Variants in ARHGEF2 observed in about 807,000 individuals in gnomAD.
ARHGEF2 encodes the protein rho guanine nucleotide exchange factor 2.
In ARHGEF2, 22 loss-of-function variants were observed where a neutral mutation model predicts 121.0. The observed-to-expected ratio is 0.18, with a 90% CI of 0.13 to 0.26. ARHGEF2 has a LOEUF of 0.26. ARHGEF2 is among the 10% of genes least tolerant of loss of function. The pLI is 1.00. For missense variants in ARHGEF2, 907 were observed against 1,336.0 expected, an observed-to-expected ratio of 0.68 and a Z score of 5.01; for synonymous variants, 487 against 530.0, an observed-to-expected ratio of 0.92 and a Z score of 1.11.
At chr1:155,968,031 T>C (rs564215197) in intron 2 of ARHGEF2, among the ~76,000 whole-genome samples, 9 of 149,078 alleles carry the variant, frequency 6.0e-5, no homozygotes, top group African/African-American at 2.2e-4. Flanking sequence ...GCTTTCCACC[T>C]GCTCTCAAAA....
At chr1:155,952,956 T>C in intron 14 of ARHGEF2, 128 bp from the exon 15 acceptor site, 1 of 873,108 alleles carries the variant, frequency 1.1e-6, no homozygotes, top group Non-Finnish European at 1.8e-6. Flanking sequence ...TATTTTGGCA[T>C]TTATAAAAAA....
chr1:155,958,485 C>T (rs1677143925), intron 11 of ARHGEF2, 89 bp from the exon 12 acceptor site: 3 of 1,017,200 alleles, frequency 2.9e-6, no homozygotes, highest in Non-Finnish European at 4.4e-6. Flanking sequence ...CTTATCCCAT[C>T]AGGTTAGAGC....
intron 4 of ARHGEF2, 107 bp downstream of exon 4, chr1:155,966,309 G>A: frequency 9.2e-7 from 1 of 1,086,602 alleles, no homozygotes. Context: ...TCAAGAAGAG[G>A]AAGGTGCTAT....
Position 155,978,327 on chromosome 1 carries a change from G to C in ARHGEF2, c.63+38C>G, listed in dbSNP as rs1681700902. On this transcript the variant is annotated intron_variant, in intron 1 of 21. Coordinates refer to ENST00000361247, the MANE Select transcript of ARHGEF2 (RefSeq NM_001162383.2). The surrounding 1 kb of genome is among the most constrained non-coding windows in gnomAD (Gnocchi z 4.1). Reference sequence around the variant, plus strand: ...GGGTGCCGGGGTTCGGGGAGCACCCGAGGACCGCGGCGAAAGGAGAGGGGT... The same window carrying C: ...GGGTGCCGGGGTTCGGGGAGCACCCCAGGACCGCGGCGAAAGGAGAGGGGT... 1 of 1,477,742 alleles carries C rather than the reference G, an allele frequency of 6.8e-7. No individual in the cohort carries two copies. The highest frequency in any genetic ancestry group is 9.1e-7 in the Non-Finnish European group (1 of 1,098,028). The allele number at this position is 1,477,742 out of a possible 1,614,324, so 91.5% of individuals were successfully genotyped here. A position where few individuals can be genotyped will look rare whatever the true frequency, so the allele number is the denominator to read the frequency against.
intron 14 of ARHGEF2, among the ~76,000 whole-genome samples, chr1:155,953,776 A>G (rs1167294822): frequency 1.3e-5 from 2 of 151,610 alleles, no homozygotes; most frequent in Admixed American, 1.3e-4. Flanking sequence ...AGAAAGAAAG[A>G]AAAAGAAAAA....
intron 13 of ARHGEF2, 104 bp downstream of exon 13, chr1:155,957,609 C>T: frequency 1.5e-6 from 2 of 1,351,858 alleles, no homozygotes; most frequent in South Asian, 1.4e-5. Context: ...TCTTCCCCCA[C>T]CTCTGAATGC....
Position 155,971,914 on chromosome 1 carries a change from T to C in ARHGEF2, c.64-2614A>G, listed in dbSNP as rs563725072. ...AAAAAAATATATACATATATATATA[T>C]ACACACATAAGTAAAAGCAAGCAAG... is the stretch of plus-strand genomic sequence containing the variant. On this transcript the variant is annotated intron_variant, in intron 1 of 21. Transcript: ENST00000361247. Among the ~76,000 whole-genome samples, 55 of 151,174 alleles carry C rather than the reference T, an allele frequency of 3.6e-4. No homozygotes were observed. In the East Asian group the frequency reaches 4.5e-3, roughly 12 times the overall value.
At chr1:155,975,310 C>T (rs1681121689) in intron 1 of ARHGEF2, among the ~76,000 whole-genome samples, 1 of 152,168 alleles carries the variant, frequency 6.6e-6, no homozygotes, top group African/African-American at 2.4e-5. Context: ...CATCTGTCCC[C>T]TCCTTGATTC....
intron 11 of ARHGEF2, among the ~76,000 whole-genome samples, chr1:155,960,925 T>C (rs1043334298): frequency 2.0e-5 from 3 of 152,226 alleles, no homozygotes; most frequent in African/African-American, 7.2e-5. Context: ...TCTGCCCTGC[T>C]GTCTCTTCTC....
chr1:155,977,963 C>G (rs1011373502), intron 1 of ARHGEF2: 1 of 506,166 alleles, frequency 2.0e-6, no homozygotes, highest in Non-Finnish European at 2.6e-6. Context: ...GGGGTCGCCA[C>G]GCCAAGCCCA....
At position 155,947,268 on chromosome 1, in the gene ARHGEF2, CA is replaced by C. The variant is rs1366299244; in HGVS notation, c.*673del. On this transcript the variant is annotated 3_prime_UTR_variant, in exon 22 of 22. Transcript: ENST00000361247. ...TACAAAAAAGAAAACAAAAGAACAA[CA>C]AAACATTCTGGTCCCTGTGGGTTTT... The C allele has an allele frequency of 2.4e-6, 1 of 422,894 alleles. No homozygotes were observed. The highest frequency in any genetic ancestry group is 4.7e-6 in the Non-Finnish European group (1 of 211,076). The allele number at this position is 422,894 out of a possible 1,614,324, so 26.2% of individuals were successfully genotyped here. A position where few individuals can be genotyped will look rare whatever the true frequency, so the allele number is the denominator to read the frequency against.
chr1:155,962,323 G>A lies in ARHGEF2; in HGVS notation c.1102-101C>T, dbSNP rs555523199. On this transcript the variant is annotated intron_variant, in intron 9 of 21. Transcript: ENST00000361247. This position sits in a 1 kb window ranked among gnomAD's most constrained non-coding sequence, Gnocchi z 5.8. ...GCCCTGGCGTGGCCATTTACCTCAT[G>A]CTTGCCTAGGTGACATATCTGGAAA... The A allele has an allele frequency of 1.3e-5, 16 of 1,237,180 alleles. No individual in the cohort carries two copies. In the East Asian group the frequency reaches 3.5e-4, roughly 27 times the overall value. 76.6% of individuals were successfully genotyped at this position (1,237,180 alleles called of 1,614,324 possible).
intron 12 of ARHGEF2, 94 bp from the exon 13 acceptor site, chr1:155,957,976 T>G (rs1272370396): frequency 3.8e-6 from 5 of 1,307,544 alleles, no homozygotes; most frequent in African/African-American, 3.0e-5. Context: ...CTGAAAGGAC[T>G]GAAGAGTCAT....
In ARHGEF2 at chr1:155,947,539, A is replaced by G. The variant is rs1229683169; in HGVS notation, c.*403T>C. On this transcript the variant is annotated 3_prime_UTR_variant, in exon 22 of 22. Coordinates refer to ENST00000361247, the MANE Select transcript of ARHGEF2 (RefSeq NM_001162383.2). ...TGTTGCAGGGGAGGGCCGTTAGGGC[A>G]AGAACCCAGCAGCTGCGTGGATGAG... 2.4e-6 allele frequency: 1 copy of G among 415,280 alleles called. No homozygotes were observed. The highest frequency in any genetic ancestry group is 4.8e-6 in the Non-Finnish European group (1 of 207,680). 25.7% of individuals were successfully genotyped at this position (415,280 alleles called of 1,614,324 possible). A position where few individuals can be genotyped will look rare whatever the true frequency, so the allele number is the denominator to read the frequency against.
At chr1:155,969,741 G>A (rs1680115492) in intron 1 of ARHGEF2, 3 of 995,038 alleles carry the variant, frequency 3.0e-6, no homozygotes, top group East Asian at 1.1e-4. Context: ...CAATCTATGG[G>A]AGTTAGCTCC....
rs567136818 is a variant in ARHGEF2, at chr1:155,965,524, T to G, written c.470+107A>C. ...GCGGTCCCCCTAAGTTCTCCTTATT[T>G]GTCTGTCTACAGTTCTGAACTCAGG... On this transcript the variant is annotated intron_variant, in intron 5 of 21. Transcript: ENST00000361247. The surrounding 1 kb of genome is among the most constrained non-coding windows in gnomAD (Gnocchi z 6.0). 73 of 1,604,852 alleles carry G rather than the reference T, an allele frequency of 4.5e-5. No individual in the cohort carries two copies. In the African/African-American group the frequency reaches 9.5e-4, roughly 21 times the overall value.
intron 11 of ARHGEF2, 91 bp from the exon 12 acceptor site, chr1:155,958,487 G>A (rs531640489): frequency 6.9e-5 from 70 of 1,020,810 alleles, no homozygotes; most frequent in Admixed American, 4.2e-4. Context: ...TATCCCATCA[G>A]GTTAGAGCTC....
Position 155,950,395 on chromosome 1 carries a change from C to G in ARHGEF2, c.2791G>C (p.Gly931Arg), listed in dbSNP as rs1258930520. 6.2e-7 allele frequency: 1 copy of G among 1,614,118 alleles called. No homozygotes were observed. The highest frequency in any genetic ancestry group is 2.2e-5 in the East Asian group (1 of 44,890). ...NFEDRERQEL[G>R]SPEERLQDSS... ...TCTTGCAGCCGCTCTTCGGGGCTCC[C>G]CAGTTCCTGCCTCTCTCGGTCCTCA... Residue 931 changes from glycine (G) to arginine (R), a missense_variant, in exon 21 of 22, where the codon GGG (glycine) becomes CGG (arginine). Physicochemically the swap from Gly to Arg is moderately radical, Grantham distance 125 (BLOSUM62 -2). Transcript: ENST00000361247. The surrounding 1 kb of genome is among the most constrained non-coding windows in gnomAD (Gnocchi z 5.2).
intron 1 of ARHGEF2, among the ~76,000 whole-genome samples, chr1:155,974,024 C>T (rs926928430): frequency 1.4e-5 from 2 of 145,494 alleles, no homozygotes; most frequent in African/African-American, 2.5e-5. Flanking sequence ...TCTCATCTGA[C>T]TTTTTTTTTT....
Sources: gnomAD v4.1 joint callset for allele counts (sites outside exome capture counted in the v4.1 genomes callset) on GRCh38, gnomAD v4.1.1 for gene constraint, Gnocchi (gnomAD v3.1) non-coding constraint, MANE v1.5 for transcripts, NCBI Gene and HGNC (gene_info 2026-07-23, HGNC 2026-07-21) for gene names.